Variants in NUP98 observed in about 807,000 individuals in gnomAD.
The protein encoded by NUP98 is nuclear pore complex protein Nup98-Nup96.
A neutral mutation model predicts 191.9 loss-of-function variants in NUP98; 26 were observed. The ratio of observed to expected loss-of-function variants is 0.14; its 90% CI spans 0.10 to 0.19. The LOEUF (loss-of-function observed/expected upper bound fraction) is 0.19, where lower values mean the gene tolerates loss of function less well. Ranked by LOEUF, NUP98 falls within the 10% of genes least tolerant of loss-of-function variation. NUP98 has a pLI of 1.00. For synonymous variants in NUP98, 808 were observed against 778.4 expected (o/e 1.04, Z -0.63); for missense variants, 1,941 against 2,178.8 (o/e 0.89, Z 2.17).
intron 30 of NUP98, among the ~76,000 whole-genome samples, chr11:3,682,887 T>C (rs2078022477): frequency 6.6e-6 from 1 of 152,202 alleles, no homozygotes; most frequent in South Asian, 2.1e-4. Context: ...GAATTTCTAG[T>C]TTCAGGCCTT....
chr11:3,741,852 G>A (rs1213718839), intron 12 of NUP98, among the ~76,000 whole-genome samples: 2 of 152,274 alleles, frequency 1.3e-5, no homozygotes, highest in African/African-American at 2.4e-5. Flanking sequence ...GAAGACAGTC[G>A]ATGTTCTGAG....
Position 3,746,294 on chromosome 11 carries a change from A to AAAAAAAAAAAAAAAAAAG in NUP98, c.1268-1646_1268-1645insCTTTTTTTTTTTTTTTTT, listed in dbSNP as rs144936005. Among the ~76,000 whole-genome samples the AAAAAAAAAAAAAAAAAAG allele has an allele frequency of 4.3e-5, 4 of 93,096 alleles. 1 individual carries two copies. The highest frequency in any genetic ancestry group is 1.5e-4 in the African/African-American group (3 of 19,968). The allele number at this position is 93,096 out of a possible 152,430, so 61.1% of individuals were successfully genotyped here. A position where few individuals can be genotyped will look rare whatever the true frequency, so the allele number is the denominator to read the frequency against. On this transcript the variant is annotated intron_variant, in intron 11 of 32. Transcript: ENST00000324932. ...CAAAAAAAAAAAAAAAAAAAAAAAA[A>AAAAAAAAAAAAAAAAAAG]GACAGCTTTGGGACAAAGAATAAGA...
chr11:3,749,900 T>G (rs2080678388), intron 11 of NUP98, among the ~76,000 whole-genome samples: 1 of 152,214 alleles, frequency 6.6e-6, no homozygotes, highest in South Asian at 2.1e-4. Flanking sequence ...ACTGGTATTT[T>G]TGAAAGGCAA....
chr11:3,707,716 G>A (rs2078899407), intron 20 of NUP98, among the ~76,000 whole-genome samples: 1 of 85,798 alleles, frequency 1.2e-5, no homozygotes, highest in East Asian at 5.7e-4. Context: ...TCCAGCATGG[G>A]CAACAGAATG....
chr11:3,760,499 G>C (rs1212759116), intron 10 of NUP98, 40 bp downstream of exon 10: 3 of 1,613,944 alleles, frequency 1.9e-6, no homozygotes, highest in Non-Finnish European at 2.5e-6. Context: ...AAAATTAGAA[G>C]TGTTTGTATT....
At chr11:3,781,987 TTC>T in intron 2 of NUP98, 53 bp downstream of exon 2, 1 of 1,190,210 alleles carries the variant, frequency 8.4e-7, no homozygotes, top group Non-Finnish European at 1.2e-6. Context: ...AGTGGATTTG[TTC>T]TTAGTAAGGG....
intron 25 of NUP98, chr11:3,697,273 G>A (rs2078538709): frequency 6.6e-6 from 1 of 152,076 alleles, no homozygotes; most frequent in Non-Finnish European, 1.5e-5. Context: ...AAAGAAAACA[G>A]GAAGCTACCA....
chr11:3,731,643 A>T (rs779704138), intron 13 of NUP98, 65 bp from the exon 14 acceptor site: 21 of 1,094,566 alleles, frequency 1.9e-5, no homozygotes, highest in Non-Finnish European at 2.5e-5. Flanking sequence ...GGCCTTAAAA[A>T]TCACAAGACC....
At chr11:3,748,634 A>T (rs2080602879) in intron 11 of NUP98, among the ~76,000 whole-genome samples, 1 of 152,202 alleles carries the variant, frequency 6.6e-6, no homozygotes, top group South Asian at 2.1e-4. Flanking sequence ...GTGAAACCCC[A>T]TCTCTATTAA....
intron 12 of NUP98, among the ~76,000 whole-genome samples, chr11:3,741,720 C>G (rs1042494783): frequency 2.0e-5 from 3 of 152,116 alleles, no homozygotes; most frequent in African/African-American, 7.2e-5. Flanking sequence ...TAGAAAGGAT[C>G]TAAGCAAAAT....
rs948905338 is a variant in NUP98 at position 3,689,513 on chromosome 11, CAA to C, written c.4454+1832_4454+1833del. On this transcript the variant is annotated intron_variant, in intron 28 of 32. Coordinates refer to ENST00000324932, the MANE Select transcript of NUP98 (RefSeq NM_016320.5). ...CTGCACTCCAGCCTGGGCAACTGAG[CAA>C]GAGAGTCTGTCTCAAAAAAAAAACC... is the stretch of plus-strand genomic sequence containing the variant. 9.9e-5 allele frequency among the ~76,000 whole-genome samples: 15 copies of C among 151,672 alleles called. 1 individual carries two copies. In the East Asian group the frequency reaches 1.2e-3, roughly 12 times the overall value.
In NUP98 at chr11:3,679,704, G is replaced by A; in HGVS notation, c.4923C>T (p.Ala1641=). 1.9e-6 allele frequency: 3 copies of A among 1,613,244 alleles called. No homozygotes were observed. The highest frequency in any genetic ancestry group is 2.5e-6 in the Non-Finnish European group (3 of 1,179,648). Residue 1641 remains alanine, a synonymous_variant, in exon 31 of 33, where the codon GCC becomes GCT. Coordinates refer to ENST00000324932, the MANE Select transcript of NUP98 (RefSeq NM_016320.5). ...GGTAGTCATAGTTCTCATTAATGAT[G>A]GCATCTGAAGAAACAAAGTATTGAG... ...KLIIRHLASD[A]IINENYDYLK...
At chr11:3,791,040 C>T (rs1046406885) in intron 1 of NUP98, among the ~76,000 whole-genome samples, 1 of 151,876 alleles carries the variant, frequency 6.6e-6, no homozygotes, top group African/African-American at 2.4e-5. Flanking sequence ...GGATTACAGG[C>T]GCCCGCCACC....
intron 11 of NUP98, among the ~76,000 whole-genome samples, chr11:3,748,707 GAAAA>G (rs1234828263): frequency 6.6e-6 from 1 of 150,572 alleles, no homozygotes; most frequent in South Asian, 2.1e-4. Flanking sequence ...TTGAGCAAAA[GAAAA>G]AAAAGAAAAG....
intron 11 of NUP98, among the ~76,000 whole-genome samples, chr11:3,748,555 C>T (rs1376118743): frequency 6.6e-6 from 1 of 152,150 alleles, no homozygotes; most frequent in Non-Finnish European, 1.5e-5. Flanking sequence ...AGCACAGTGG[C>T]TTATGCCGGG....
intron 20 of NUP98, among the ~76,000 whole-genome samples, chr11:3,709,850 C>T (rs2078981215): frequency 7.2e-6 from 1 of 138,138 alleles, no homozygotes; most frequent in East Asian, 2.2e-4. Context: ...GAGGGTATAG[C>T]TTTAGGAGAT....
At chr11:3,704,317 T>G (rs144740854) in intron 22 of NUP98, among the ~76,000 whole-genome samples, 85 of 152,330 alleles carry the variant, frequency 5.6e-4, no homozygotes, top group African/African-American at 1.9e-3. Context: ...TACATCTGCT[T>G]AAGTTCTTTG....
At chr11:3,777,866 A>G (rs1034831443) in intron 4 of NUP98, among the ~76,000 whole-genome samples, 1 of 152,026 alleles carries the variant, frequency 6.6e-6, no homozygotes, top group African/African-American at 2.4e-5. Flanking sequence ...GTTATGGCTA[A>G]ATATTTCAAT....
chr11:3,786,507 T>TA (rs1210857166), intron 1 of NUP98, among the ~76,000 whole-genome samples: 3 of 152,214 alleles, frequency 2.0e-5, no homozygotes, highest in Non-Finnish European at 4.4e-5. Context: ...GAAATAGTGT[T>TA]ATATAGAAAA....
Sources: gnomAD v4.1 joint callset for allele counts (sites outside exome capture counted in the v4.1 genomes callset) on GRCh38, gnomAD v4.1.1 for gene constraint, MANE v1.5 for transcripts, NCBI Gene and HGNC (gene_info 2026-07-23, HGNC 2026-07-21) for gene names.